Variants in ANK3 observed in about 807,000 individuals in gnomAD.
The protein encoded by ANK3 is ankyrin 3.
ANK3 carries 57 observed loss-of-function variants against 370.9 expected under a neutral mutation model. The ratio of observed to expected loss-of-function variants is 0.15; its 90% CI spans 0.12 to 0.19. The LOEUF is 0.19. ANK3 is among the 10% of genes least tolerant of loss of function. The pLI is 1.00. For missense variants in ANK3, 4,439 were observed against 5,302.1 expected (o/e 0.84, Z 5.06); for synonymous variants, 1,929 against 1,946.3 (o/e 0.99, Z 0.23).
chr10:60,056,061 AC>A, intron 41 of ANK3, 25 bp from the exon 42 acceptor site: 11 of 1,577,700 alleles, frequency 7.0e-6, no homozygotes, highest in Non-Finnish European at 9.4e-6. Context: ...TTGCAAATTC[AC>A]AATGGCAAAC....
intron 2 of ANK3, among the ~76,000 whole-genome samples, chr10:60,439,134 G>T (rs774012777): frequency 5.3e-5 from 8 of 152,134 alleles, no homozygotes; most frequent in Non-Finnish European, 1.0e-4. Flanking sequence ...AAATTATTAA[G>T]AAATGATAGA....
intron 38 of ANK3, among the ~76,000 whole-genome samples, chr10:60,067,220 G>T (rs1275098158): frequency 6.6e-6 from 1 of 151,984 alleles, no homozygotes; most frequent in Non-Finnish European, 1.5e-5. Context: ...CAACTTTTGT[G>T]AATTAAATAT....
chr10:60,517,971 T>A (rs2076261301), intron 2 of ANK3, among the ~76,000 whole-genome samples: 1 of 152,074 alleles, frequency 6.6e-6, no homozygotes, highest in African/African-American at 2.4e-5. Context: ...ATGCATCTCA[T>A]CATAAACATG....
chr10:60,614,324 T>C (rs897364404), intron 2 of ANK3, among the ~76,000 whole-genome samples: 1 of 152,222 alleles, frequency 6.6e-6, no homozygotes, highest in Non-Finnish European at 1.5e-5. Flanking sequence ...GTGAATTATA[T>C]TGATATTTAT....
chr10:60,618,163 C>G (rs4440977), intron 1 of ANK3, among the ~76,000 whole-genome samples: 104,698 of 151,968 alleles, frequency 0.69, 36,489 homozygotes, highest in South Asian at 0.89. Flanking sequence ...TGCACACCCA[C>G]GTTATCTGGT....
intron 25 of ANK3, among the ~76,000 whole-genome samples, chr10:60,116,608 C>G (rs571919849): frequency 6.9e-6 from 1 of 144,314 alleles, no homozygotes; most frequent in Non-Finnish European, 1.5e-5. Context: ...AAAAAAGAAA[C>G]ATTTAGGGAA....
In ANK3 at chr10:60,576,189, G is replaced by A. The variant is rs12411747; in HGVS notation, c.96+38997C>T. 5.8e-3 allele frequency among the ~76,000 whole-genome samples: 888 copies of A among 152,224 alleles called. 35 individuals carry two copies. In the East Asian group the frequency reaches 0.078, roughly 13 times the overall value. On this transcript the variant is annotated intron_variant, in intron 2 of 43. Transcript: ENST00000373827. ...ATCAGTTCACCAAAGAGGAAAACACGACTGGATTATAATGTTCCCACACTT... is the reference window on the plus strand; with the variant it reads ...ATCAGTTCACCAAAGAGGAAAACACAACTGGATTATAATGTTCCCACACTT...
chr10:60,579,117 G>A lies in ANK3; in HGVS notation c.96+36069C>T, dbSNP rs536743899. 2.8e-4 allele frequency among the ~76,000 whole-genome samples: 43 copies of A among 152,114 alleles called. 1 individual carries two copies. The highest frequency in any genetic ancestry group is 5.9e-4 in the Admixed American group (9 of 15,278). ...TGAGGCAGGCGGATCATGAAGTCAA[G>A]AGATCGAGACCATCTTGGCCAACAT... is the stretch of plus-strand genomic sequence containing the variant. On this transcript the variant is annotated intron_variant, in intron 2 of 43. Transcript: ENST00000373827.
chr10:60,280,180 A>G (rs2098140579), intron 1 of ANK3, among the ~76,000 whole-genome samples: 1 of 152,138 alleles, frequency 6.6e-6, no homozygotes, highest in African/African-American at 2.4e-5. Context: ...CCTCAGCCTC[A>G]GCCTCCTCAG....
chr10:60,331,306 A>G (rs906153350), intron 1 of ANK3, among the ~76,000 whole-genome samples: 2 of 152,094 alleles, frequency 1.3e-5, no homozygotes, highest in African/African-American at 2.4e-5. Context: ...ATGATCTGAT[A>G]AAAATGCCTA....
chr10:60,685,646 A>C (rs2079258162), intron 1 of ANK3, among the ~76,000 whole-genome samples: 1 of 152,244 alleles, frequency 6.6e-6, no homozygotes, highest in Non-Finnish European at 1.5e-5. Flanking sequence ...TTAAGAATGG[A>C]TAATATTTGT....
chr10:60,670,698 T>C (rs1481577134), intron 1 of ANK3, among the ~76,000 whole-genome samples: 3 of 152,164 alleles, frequency 2.0e-5, no homozygotes, highest in Non-Finnish European at 4.4e-5. Flanking sequence ...CCAGTTTCCC[T>C]TTCCACTAAG....
At chr10:60,705,161 G>T (rs1194000134) in intron 1 of ANK3, among the ~76,000 whole-genome samples, 2 of 152,082 alleles carry the variant, frequency 1.3e-5, no homozygotes, top group Non-Finnish European at 2.9e-5. Context: ...AATCAAGTTA[G>T]ATTTTTATAA....
At chr10:60,669,023 T>C (rs2079033882) in intron 1 of ANK3, among the ~76,000 whole-genome samples, 1 of 152,014 alleles carries the variant, frequency 6.6e-6, no homozygotes, top group Non-Finnish European at 1.5e-5. Flanking sequence ...AACACAAGAA[T>C]TGACACTGTG....
At chr10:60,341,055 C>T (rs778878207) in intron 1 of ANK3, among the ~76,000 whole-genome samples, 2 of 152,140 alleles carry the variant, frequency 1.3e-5, no homozygotes, top group African/African-American at 2.4e-5. Flanking sequence ...TGTCTCTTAT[C>T]CCTTCTAGAG....
intron 16 of ANK3, among the ~76,000 whole-genome samples, chr10:60,189,875 AT>A (rs1178233048): frequency 6.6e-6 from 1 of 152,202 alleles, no homozygotes; most frequent in Non-Finnish European, 1.5e-5. Context: ...TCATATTTTA[AT>A]TTTTTTCAAG....
intron 1 of ANK3, among the ~76,000 whole-genome samples, chr10:60,316,921 T>C (rs1205253748): frequency 6.6e-6 from 1 of 152,032 alleles, no homozygotes; most frequent in East Asian, 1.9e-4. Context: ...TAATTTTTTG[T>C]ATTTTTAGTA....
intron 42 of ANK3, chr10:60,051,744 G>T: frequency 6.4e-6 from 1 of 155,200 alleles, no homozygotes; most frequent in Non-Finnish European, 1.3e-5. Flanking sequence ...TTAAGTGGAA[G>T]AAAATTTTTG....
intron 2 of ANK3, among the ~76,000 whole-genome samples, chr10:60,541,264 G>A (rs1482278607): frequency 6.6e-6 from 1 of 151,884 alleles, no homozygotes; most frequent in Non-Finnish European, 1.5e-5. Context: ...TCATCTGATG[G>A]TGATTAAAGC....
Sources: gnomAD v4.1 joint callset for allele counts (sites outside exome capture counted in the v4.1 genomes callset) on GRCh38, gnomAD v4.1.1 for gene constraint, MANE v1.5 for transcripts, NCBI Gene and HGNC (gene_info 2026-07-23, HGNC 2026-07-21) for gene names.